Variants in PAPSS2 observed in about 807,000 individuals in gnomAD.
The protein encoded by PAPSS2 is 3'-phosphoadenosine 5'-phosphosulfate synthase 2.
In PAPSS2, 61 loss-of-function variants were observed where a neutral mutation model predicts 66.5. The observed-to-expected ratio is 0.92, with a 90% CI of 0.75 to 1.14. The LOEUF is 1.14. Ranked by LOEUF, PAPSS2 falls within the 50% of genes most tolerant of loss-of-function variation. PAPSS2 has a pLI of 0.00. For synonymous variants in PAPSS2, 289 were observed against 287.5 expected (o/e 1.01, Z -0.05); for missense variants, 708 against 789.6 (o/e 0.90, Z 1.24).
intron 7 of PAPSS2, among the ~76,000 whole-genome samples, chr10:87,720,767 C>A (rs570992319): frequency 2.0e-5 from 3 of 152,104 alleles, no homozygotes; most frequent in Non-Finnish European, 2.9e-5. Flanking sequence ...AAAACAAAAA[C>A]CAAATCACTT....
chr10:87,723,134 C>T (rs529787051), intron 8 of PAPSS2, among the ~76,000 whole-genome samples: 1 of 152,290 alleles, frequency 6.6e-6, no homozygotes, highest in African/African-American at 2.4e-5. Flanking sequence ...CCACATTTTG[C>T]TTTGCATTTT....
At chr10:87,715,562 A>C (rs1853522244) in intron 6 of PAPSS2, among the ~76,000 whole-genome samples, 170 bp from the exon 7 acceptor site, 1 of 152,220 alleles carries the variant, frequency 6.6e-6, no homozygotes, top group Admixed American at 6.5e-5. Flanking sequence ...TCCAAACTTA[A>C]ATATTTCTGG....
chr10:87,672,893 A>G (rs1852896778), intron 1 of PAPSS2, among the ~76,000 whole-genome samples: 1 of 152,248 alleles, frequency 6.6e-6, no homozygotes, highest in Non-Finnish European at 1.5e-5. Flanking sequence ...TATGACAAGT[A>G]TATGAAATTA....
intron 9 of PAPSS2, among the ~76,000 whole-genome samples, chr10:87,731,697 T>A (rs1484542426): frequency 6.6e-6 from 1 of 151,922 alleles, no homozygotes; most frequent in Non-Finnish European, 1.5e-5. Flanking sequence ...CTTTGAGGGG[T>A]TCAAGACTTC....
intron 7 of PAPSS2, among the ~76,000 whole-genome samples, chr10:87,719,753 G>A (rs1853572821): frequency 1.3e-5 from 2 of 152,164 alleles, no homozygotes; most frequent in South Asian, 4.1e-4. Flanking sequence ...CTAGCGTCTG[G>A]AGATAGAATG....
chr10:87,673,689 C>CTTTTTTTTTTTTTTTTTT (rs34935261), intron 1 of PAPSS2, among the ~76,000 whole-genome samples: 1 of 67,416 alleles, frequency 1.5e-5, no homozygotes, highest in Non-Finnish European at 2.9e-5. Context: ...TTTTGGCTTA[C>CTTTTTTTTTTTTTTTTTT]TTTTTTTTTT....
At chr10:87,729,765 G>A (rs1202819522) in intron 9 of PAPSS2, among the ~76,000 whole-genome samples, 1 of 152,182 alleles carries the variant, frequency 6.6e-6, no homozygotes, top group African/African-American at 2.4e-5. Context: ...GGGAGGCCAG[G>A]GTGGGCGGAT....
intron 1 of PAPSS2, among the ~76,000 whole-genome samples, chr10:87,679,865 A>C (rs1316135800): frequency 6.6e-6 from 1 of 151,956 alleles, no homozygotes; most frequent in Non-Finnish European, 1.5e-5. Context: ...ATCTCTACAA[A>C]AAATACAAAA....
At position 87,713,101 on chromosome 10, in the gene PAPSS2, A is replaced by AT; in HGVS notation, c.173dup (p.Ser59LysfsTer28). 1 of 1,612,554 alleles carries AT rather than the reference A, an allele frequency of 6.2e-7. No homozygotes were observed. Among genetic ancestry groups the AT allele is most frequent in the Non-Finnish European group, 8.5e-7 (1 of 1,179,010 alleles). ...TCTCTCTGGTGCTGGAAAAACAACG[A>AT]TAAGTTTTGCCCTGGAGGAGTACCT... On this transcript the variant is annotated frameshift_variant, in exon 3 of 13. Transcript: ENST00000456849. LOFTEE classifies it high-confidence loss of function.
At chr10:87,668,666 G>A (rs974429962) in intron 1 of PAPSS2, among the ~76,000 whole-genome samples, 3 of 142,520 alleles carry the variant, frequency 2.1e-5, no homozygotes, top group African/African-American at 5.9e-5. Context: ...AAATGTGTGT[G>A]TGTGTGTGTG....
chr10:87,734,685 A>G (rs1302375507), intron 9 of PAPSS2, among the ~76,000 whole-genome samples: 32 of 125,192 alleles, frequency 2.6e-4, no homozygotes, highest in African/African-American at 8.9e-4. Flanking sequence ...ATATATATAT[A>G]TATATATATA....
At chr10:87,707,078 C>T (rs1036511491) in intron 1 of PAPSS2, among the ~76,000 whole-genome samples, 7 of 152,166 alleles carry the variant, frequency 4.6e-5, no homozygotes, top group Admixed American at 2.0e-4. Flanking sequence ...ACTGATAATG[C>T]CTGTTCCCTA....
At chr10:87,711,771 TCTGTC>T (rs1232036339) in intron 2 of PAPSS2, among the ~76,000 whole-genome samples, 7 of 152,144 alleles carry the variant, frequency 4.6e-5, no homozygotes, top group African/African-American at 1.7e-4. Context: ...CCTTCCTCTG[TCTGTC>T]CTTCATTCCT....
intron 1 of PAPSS2, among the ~76,000 whole-genome samples, chr10:87,694,751 G>A (rs1277776840): frequency 6.6e-6 from 1 of 152,222 alleles, no homozygotes; most frequent in African/African-American, 2.4e-5. Context: ...GGATATAAAA[G>A]TAACATGATT....
At chr10:87,715,399 A>T (rs1433524552) in intron 6 of PAPSS2, among the ~76,000 whole-genome samples, 2 of 152,230 alleles carry the variant, frequency 1.3e-5, no homozygotes, top group African/African-American at 4.8e-5. Context: ...GTAGAAAAAT[A>T]TAGCCAGACC....
In PAPSS2 at chr10:87,693,151, G is replaced by A. The variant is rs962366227; in HGVS notation, c.28-16045G>A. The stretch of plus-strand genomic sequence containing the variant: ...CCCTGGGTCCACTTTTGATGACTGG[G>A]TGGGAGACTGTGCCTTCTGATCAAG... On this transcript the variant is annotated intron_variant, in intron 1 of 12. Transcript: ENST00000456849. Among the ~76,000 whole-genome samples the A allele has an allele frequency of 1.8e-4, 27 of 152,136 alleles. 1 individual carries two copies. The highest frequency in any genetic ancestry group is 3.2e-4 in the Non-Finnish European group (22 of 68,024).
intron 9 of PAPSS2, among the ~76,000 whole-genome samples, chr10:87,738,235 T>C (rs565447843): frequency 1.3e-5 from 2 of 152,352 alleles, no homozygotes; most frequent in South Asian, 4.1e-4. Context: ...TATACACCCA[T>C]AAGTAGGATT....
At chr10:87,664,827 C>G (rs1283521578) in intron 1 of PAPSS2, among the ~76,000 whole-genome samples, 1 of 152,186 alleles carries the variant, frequency 6.6e-6, no homozygotes, top group Non-Finnish European at 1.5e-5. Context: ...AAATATAACA[C>G]TAGTTCAACT....
At chr10:87,743,698 A>G in intron 11 of PAPSS2, 57 bp downstream of exon 11, 1 of 1,590,930 alleles carries the variant, frequency 6.3e-7, no homozygotes, top group South Asian at 1.1e-5. Flanking sequence ...CAGACTTTAC[A>G]TAGAAGAGTA....
Sources: allele counts gnomAD v4.1 joint callset (sites outside exome capture counted in the v4.1 genomes callset), GRCh38; gene constraint gnomAD v4.1.1; transcripts MANE v1.5; gene names NCBI Gene and HGNC (gene_info 2026-07-23, HGNC 2026-07-21).